Variants in FSIP2 observed in about 807,000 individuals in gnomAD.
FSIP2 encodes fibrous sheath-interacting protein 2.
Under a neutral mutation model 510.5 loss-of-function variants are expected in FSIP2, and 367 were observed. That is an observed-to-expected ratio of 0.72 (90% CI 0.66 to 0.78). The LOEUF (loss-of-function observed/expected upper bound fraction) is 0.78. Ranked by LOEUF, FSIP2 falls within the 30% of genes least tolerant of loss-of-function variation. The probability of loss-of-function intolerance (pLI) is 0.00; values close to 1 mark genes in which losing one functional copy is unlikely to be tolerated. For synonymous variants in FSIP2, 2,601 were observed against 2,732.2 expected (o/e 0.95, Z 1.50); for missense variants, 7,594 against 7,901.7 (o/e 0.96, Z 1.48).
Position 185,745,415 on chromosome 2 carries a change from C to T in FSIP2, c.478-14C>T. On this transcript the variant is annotated splice_polypyrimidine_tract_variant and intron_variant, in intron 4 of 22. Transcript: ENST00000424728. ...AAGCATTATATATATGTAATACACA[C>T]ATTTCTTAAATAGAGAATACTTGCA... The T allele has an allele frequency of 6.7e-7, 1 of 1,483,290 alleles. No individual in the cohort carries two copies. The highest frequency in any genetic ancestry group is 9.1e-7 in the Non-Finnish European group (1 of 1,102,258). 91.9% of individuals were successfully genotyped at this position (1,483,290 alleles called of 1,614,324 possible).
chr2:185,829,132 C>A (rs1694066217), intron 21 of FSIP2, among the ~76,000 whole-genome samples: 1 of 151,824 alleles, frequency 6.6e-6, no homozygotes, highest in African/African-American at 2.4e-5. Flanking sequence ...ATCTAAGAAC[C>A]TATTGACACT....
At chr2:185,817,672 C>A (rs559373121) in intron 19 of FSIP2, among the ~76,000 whole-genome samples, 3 of 151,766 alleles carry the variant, frequency 2.0e-5, no homozygotes, top group African/African-American at 7.3e-5. Flanking sequence ...CACATTTGAA[C>A]AAAAGATTAC....
At chr2:185,828,332 T>C (rs989669667) in intron 21 of FSIP2, 133 bp downstream of exon 21, 2 of 608,002 alleles carry the variant, frequency 3.3e-6, no homozygotes, top group Non-Finnish European at 6.0e-6. Context: ...ATTCACAATT[T>C]CTTACACCCT....
Position 185,804,482 on chromosome 2 carries a change from A to G in FSIP2, c.15176A>G (p.Tyr5059Cys), listed in dbSNP as rs771920664. Residue 5059 changes from tyrosine to cysteine, a missense_variant, in exon 17 of 23, where the codon TAT (tyrosine) becomes TGT (cysteine). Physicochemically the swap from Tyr to Cys is radical, Grantham distance 194 (BLOSUM62 -2). Transcript: ENST00000424728. The stretch of plus-strand genomic sequence containing the variant: ...ATATGTTTTGGTAGGAAAATATATT[A>G]TTTGCTATTGGAAGAAATATATGAT... ...DTICFGRKIYYLLLEEIYDYQ... is the reference protein window; with the variant it reads ...DTICFGRKIYCLLLEEIYDYQ... 6.6e-7 allele frequency: 1 copy of G among 1,515,194 alleles called. No individual in the cohort carries two copies. The highest frequency in any genetic ancestry group is 1.2e-5 in the South Asian group (1 of 81,278). The allele number at this position is 1,515,194 out of a possible 1,614,324, so 93.9% of individuals were successfully genotyped here.
intron 7 of FSIP2, among the ~76,000 whole-genome samples, chr2:185,751,463 G>C (rs186405409): frequency 5.5e-4 from 55 of 99,316 alleles, no homozygotes; most frequent in African/African-American, 1.7e-3. Context: ...TTATTTTTCT[G>C]TGTGTGTGTG....
At position 185,796,346 on chromosome 2, in the gene FSIP2, G is replaced by T; in HGVS notation, c.9210G>T (p.Arg3070=). ...AAAACATACAGAATATCCTTCTACG[G>T]GTTCATTCATTCCATTCACAATTAC... The part of the protein sequence containing the change: ...FKENIQNILL[R]VHSFHSQLLT... The change falls in exon 16 of 23, where the codon CGG becomes CGT. Residue 3070 remains arginine (R), a synonymous_variant. Coordinates refer to ENST00000424728, the MANE Select transcript of FSIP2 (RefSeq NM_173651.4). 6.5e-7 allele frequency: 1 copy of T among 1,533,716 alleles called. No homozygotes were observed. Among genetic ancestry groups the T allele is most frequent in the South Asian group, 1.2e-5 (1 of 83,986 alleles).
upstream of FSIP2, chr2:185,738,509 G>T (rs1691832702): frequency 8.6e-7 from 1 of 1,168,894 alleles, no homozygotes; most frequent in Admixed American, 2.5e-5. Flanking sequence ...AATCACTCGG[G>T]AATTTTTATT....
In FSIP2 at chr2:185,813,640, T is replaced by C; in HGVS notation, c.19923T>C (p.Val6641=). ...KDVQSKNDLI[V]RLVAHDIDQV... The stretch of plus-strand genomic sequence containing the variant: ...TTCAAAGTAAAAATGATCTTATTGT[T>C]CGATTAGTAGCTCATGATATTGATC... Residue 6641 remains valine, a synonymous_variant, in exon 18 of 23, where the codon GTT becomes GTC. Coordinates refer to ENST00000424728, the MANE Select transcript of FSIP2 (RefSeq NM_173651.4). The C allele has an allele frequency of 2.5e-6, 4 of 1,598,930 alleles. No individual in the cohort carries two copies. Among genetic ancestry groups the C allele is most frequent in the Non-Finnish European group, 3.4e-6 (4 of 1,172,050 alleles).
intron 22 of FSIP2, 124 bp downstream of exon 22, chr2:185,832,006 G>A (rs1203150393): frequency 4.6e-6 from 3 of 651,754 alleles, no homozygotes; most frequent in Non-Finnish European, 8.3e-6. Flanking sequence ...ATCAAAATAG[G>A]AGTGAAATAA....
In FSIP2 at chr2:185,808,284, T is replaced by C. The variant is rs776006726; in HGVS notation, c.18978T>C (p.Ile6326=). Residue 6326 remains isoleucine (I), a synonymous_variant, in exon 17 of 23, where the codon ATT becomes ATC. Transcript: ENST00000424728. ...TTATGGAAAAAGTGATCAAAATTAT[T>C]GATGAACTTAAGTCTAAGGAAAAGT... The part of the protein sequence containing the change: ...VKIMEKVIKI[I]DELKSKEKSS... 3.1e-6 allele frequency: 5 copies of C among 1,601,894 alleles called. No individual in the cohort carries two copies. In the South Asian group the frequency reaches 4.5e-5, roughly 14 times the overall value.
In FSIP2 at chr2:185,802,019, G is replaced by A. The variant is rs144573167; in HGVS notation, c.12713G>A (p.Arg4238Gln). ...LVSIQKSIVSRSPIMIDQIAS... is the reference protein window; with the variant it reads ...LVSIQKSIVSQSPIMIDQIAS... ...TCAATACAAAAAAGTATAGTAAGCC[G>A]AAGCCCAATTATGATTGACCAAATA... Residue 4238 changes from arginine to glutamine, a missense_variant, in exon 17 of 23, where the codon CGA becomes CAA. Coordinates refer to ENST00000424728, the MANE Select transcript of FSIP2 (RefSeq NM_173651.4). 1.4e-4 allele frequency: 217 copies of A among 1,528,796 alleles called. 1 individual carries two copies. The highest frequency in any genetic ancestry group is 8.0e-4 in the Admixed American group (40 of 49,930). 94.7% of individuals were successfully genotyped at this position (1,528,796 alleles called of 1,614,324 possible). A position where few individuals can be genotyped will look rare whatever the true frequency, so the allele number is the denominator to read the frequency against.
At chr2:185,765,535 T>C (rs796701749) in intron 13 of FSIP2, 14 of 152,212 alleles carry the variant, frequency 9.2e-5, no homozygotes, top group African/African-American at 3.4e-4. Context: ...CATGCTGTTT[T>C]GGTTACTGTA....
Position 185,792,289 on chromosome 2 carries a change from C to CT in FSIP2, c.5154dup (p.Gly1719TrpfsTer4). The CT allele has an allele frequency of 6.5e-7, 1 of 1,531,756 alleles. No individual in the cohort carries two copies. Among genetic ancestry groups the CT allele is most frequent in the African/African-American group, 1.4e-5 (1 of 72,690 alleles). 94.9% of individuals were successfully genotyped at this position (1,531,756 alleles called of 1,614,324 possible). On this transcript the variant is annotated frameshift_variant, in exon 16 of 23. Transcript: ENST00000424728. LOFTEE classifies it high-confidence loss of function. ...TACAGGCCAACATATGGAAGTCTTC[C>CT]TGGAGGAGCTGAATCAGATTCATTT...
At position 185,788,918 on chromosome 2, in the gene FSIP2, A is replaced by G. The variant is rs898899937; in HGVS notation, c.1782A>G (p.Arg594=). 1 of 1,535,114 alleles carries G rather than the reference A, an allele frequency of 6.5e-7. No individual in the cohort carries two copies. Among genetic ancestry groups the G allele is most frequent in the Non-Finnish European group, 8.7e-7 (1 of 1,146,058 alleles). The part of the protein sequence containing the change: ...CAFVVDTSVR[R]PTTPIKPPPA... ...TTGTAGTTGACACGTCAGTAAGGAG[A>G]CCAACCACACCTATAAAACCTCCTC... The change falls in exon 16 of 23, where the codon AGA becomes AGG. Residue 594 remains arginine (R), a synonymous_variant. Transcript: ENST00000424728.
chr2:185,801,832 GA>G lies in FSIP2; in HGVS notation c.12529del (p.Met4177CysfsTer5). Reference protein sequence around the residue: ...KKYLMSSDFNEMSTCIINKVM... With the variant: ...KKYLMSSDFNXMSTCIINKVM... ...ATATTTAATGAGTTCTGATTTTAAT[GA>G]AATGTCCACTTGTATAATAAATAAG... On this transcript the variant is annotated frameshift_variant, in exon 17 of 23. Coordinates refer to ENST00000424728, the MANE Select transcript of FSIP2 (RefSeq NM_173651.4). LOFTEE classifies it high-confidence loss of function. 6.7e-7 allele frequency: 1 copy of G among 1,486,398 alleles called. No individual in the cohort carries two copies. The highest frequency in any genetic ancestry group is 8.9e-7 in the Non-Finnish European group (1 of 1,121,942). 92.1% of individuals were successfully genotyped at this position (1,486,398 alleles called of 1,614,324 possible).
chr2:185,802,792 G>A lies in FSIP2; in HGVS notation c.13486G>A (p.Asp4496Asn), dbSNP rs1049486615. Residue 4496 changes from aspartate (D) to asparagine (N), a missense_variant, in exon 17 of 23, where the codon GAT (aspartate) becomes AAT (asparagine). Coordinates refer to ENST00000424728, the MANE Select transcript of FSIP2 (RefSeq NM_173651.4). Reference sequence around the variant, plus strand: ...GGTTCTAAACAGAGACACCCAAAAAGATATATCAAGAGTGAATTTCAATGA... The same window carrying A: ...GGTTCTAAACAGAGACACCCAAAAAAATATATCAAGAGTGAATTTCAATGA... ...SLVLNRDTQK[D>N]ISRVNFNDIA... The A allele has an allele frequency of 2.6e-6, 4 of 1,520,834 alleles. No homozygotes were observed. The highest frequency in any genetic ancestry group is 3.5e-6 in the Non-Finnish European group (4 of 1,140,948). 94.2% of individuals were successfully genotyped at this position (1,520,834 alleles called of 1,614,324 possible).
Position 185,791,105 on chromosome 2 carries a change from C to T in FSIP2, c.3969C>T (p.Asp1323=). The T allele has an allele frequency of 6.5e-7, 1 of 1,531,310 alleles. No individual in the cohort carries two copies. Among genetic ancestry groups the T allele is most frequent in the Non-Finnish European group, 8.7e-7 (1 of 1,143,902 alleles). The allele number at this position is 1,531,310 out of a possible 1,614,324, so 94.9% of individuals were successfully genotyped here. ...HKENLNLREI[D]HTKSLTDKGF... Reference sequence around the variant, plus strand: ...AAAACCTAAATCTTAGGGAGATTGACCATACCAAATCCCTTACAGATAAAG... The same window carrying T: ...AAAACCTAAATCTTAGGGAGATTGATCATACCAAATCCCTTACAGATAAAG... Residue 1323 remains aspartate (D), a synonymous_variant, in exon 16 of 23, where the codon GAC becomes GAT. Transcript: ENST00000424728.
intron 19 of FSIP2, among the ~76,000 whole-genome samples, chr2:185,820,221 T>C (rs915260334): frequency 2.0e-5 from 3 of 152,074 alleles, no homozygotes; most frequent in African/African-American, 7.2e-5. Flanking sequence ...TGAGATCTGA[T>C]TGTTCTGTAA....
chr2:185,800,965 G>A lies in FSIP2; in HGVS notation c.11659G>A (p.Ala3887Thr), dbSNP rs1392262577. The change falls in exon 17 of 23, where the codon GCA becomes ACA. Residue 3887 changes from alanine (A) to threonine (T), a missense_variant. Physicochemically the swap from Ala to Thr is moderately conservative, Grantham distance 58. Coordinates refer to ENST00000424728, the MANE Select transcript of FSIP2 (RefSeq NM_173651.4). The stretch of plus-strand genomic sequence containing the variant: ...AGAAATACAGTCTAGTTTCATAAAA[G>A]CAAGAAAGTCAGAATTAATAGAATT... Reference protein sequence around the residue: ...TREIQSSFIKARKSELIELGQ... With the variant: ...TREIQSSFIKTRKSELIELGQ... 6.5e-7 allele frequency: 1 copy of A among 1,528,828 alleles called. No homozygotes were observed. Among genetic ancestry groups the A allele is most frequent in the Admixed American group, 2.0e-5 (1 of 50,068 alleles). The allele number at this position is 1,528,828 out of a possible 1,614,324, so 94.7% of individuals were successfully genotyped here.
Sources: gnomAD v4.1 joint callset for allele counts (sites outside exome capture counted in the v4.1 genomes callset) on GRCh38, gnomAD v4.1.1 for gene constraint, MANE v1.5 for transcripts, NCBI Gene and HGNC (gene_info 2026-07-23, HGNC 2026-07-21) for gene names.